The following CCDC102A variants were observed in gnomAD, a reference collection of about 807,000 sequenced individuals.
The protein encoded by CCDC102A is coiled-coil domain-containing protein 102A.
A neutral mutation model predicts 55.5 loss-of-function variants in CCDC102A; 40 were observed. The observed-to-expected ratio is 0.72, with a 90% CI of 0.56 to 0.94. CCDC102A has a LOEUF of 0.94. Ranked by LOEUF, CCDC102A falls within the 40% of genes least tolerant of loss-of-function variation. CCDC102A has a pLI of 0.00. For synonymous variants in CCDC102A, 323 were observed against 339.0 expected, an observed-to-expected ratio of 0.95 and a Z score of 0.52; for missense variants, 779 against 768.6, an observed-to-expected ratio of 1.01 and a Z score of -0.16.
At position 57,514,423 on chromosome 16, in the gene CCDC102A, C is replaced by T. The variant is rs190560961; in HGVS notation, c.1523+918G>A. ...GCTTTGTTGCCCAGGGGGTCTCAAACTCCTGGTCTCAAGCAATCCTCTTGC... is the reference window on the plus strand; with the variant it reads ...GCTTTGTTGCCCAGGGGGTCTCAAATTCCTGGTCTCAAGCAATCCTCTTGC... On this transcript the variant is annotated intron_variant, in intron 8 of 8. Transcript: ENST00000258214. Among the ~76,000 whole-genome samples the T allele has an allele frequency of 2.2e-3, 339 of 152,258 alleles. 1 individual carries two copies. The highest frequency in any genetic ancestry group is 7.9e-3 in the African/African-American group (330 of 41,532).
chr16:57,518,149 C>G lies in CCDC102A; in HGVS notation c.1167G>C (p.Leu389=). 6.2e-7 allele frequency: 1 copy of G among 1,611,500 alleles called. No homozygotes were observed. Among genetic ancestry groups the G allele is most frequent in the Non-Finnish European group, 8.5e-7 (1 of 1,179,808 alleles). The change falls in exon 6 of 9, where the codon CTG becomes CTC. Residue 389 remains leucine, a synonymous_variant. Coordinates refer to ENST00000258214, the MANE Select transcript of CCDC102A (RefSeq NM_033212.4). The part of the protein sequence containing the change: ...RAQVGDLEEA[L]ARRRRQTASA... ...TGGCTGTTTGCCGCCGCCGCCGGGC[C>G]AGCGCCTCCTCCAGGTCTCCGACCT...
In CCDC102A at chr16:57,520,607, T is replaced by TAAATA. The variant is rs71152274; in HGVS notation, c.921+456_921+460dup. ...ATAACATAACATAAATAAAATAAAA[T>TAAATA]AAATAAAATAAAATAAAATAAATAA... On this transcript the variant is annotated intron_variant, in intron 4 of 8. Coordinates refer to ENST00000258214, the MANE Select transcript of CCDC102A (RefSeq NM_033212.4). Among the ~76,000 whole-genome samples, 26 of 111,878 alleles carry TAAATA rather than the reference T, an allele frequency of 2.3e-4. 1 individual carries two copies. The highest frequency in any genetic ancestry group is 8.3e-5 in the Admixed American group (1 of 11,982). The allele number at this position is 111,878 out of a possible 152,430, so 73.4% of individuals were successfully genotyped here. A position where few individuals can be genotyped will look rare whatever the true frequency, so the allele number is the denominator to read the frequency against.
intron 1 of CCDC102A, among the ~76,000 whole-genome samples, chr16:57,535,002 C>T (rs1309136699): frequency 2.0e-5 from 3 of 152,220 alleles, no homozygotes; most frequent in African/African-American, 7.2e-5. Flanking sequence ...AGCCCAGTGC[C>T]CCAACCCCTT....
At chr16:57,522,535 T>C (rs771422547) in intron 3 of CCDC102A, among the ~76,000 whole-genome samples, 4 of 152,202 alleles carry the variant, frequency 2.6e-5, no homozygotes, top group Non-Finnish European at 4.4e-5. Flanking sequence ...ATTATAGGCA[T>C]GAGCCACGGT....
chr16:57,535,263 G>A (rs2032349224), intron 1 of CCDC102A, among the ~76,000 whole-genome samples: 1 of 152,222 alleles, frequency 6.6e-6, no homozygotes, highest in South Asian at 2.1e-4. Context: ...GAAAGGAAGG[G>A]ATGGCGGCTA....
At chr16:57,532,572 C>T (rs891663410) in intron 1 of CCDC102A, among the ~76,000 whole-genome samples, 3 of 152,128 alleles carry the variant, frequency 2.0e-5, no homozygotes, top group Admixed American at 6.5e-5. Context: ...AGGCACACAA[C>T]GACACGGGTG....
Position 57,512,671 on chromosome 16 carries a change from T to C in CCDC102A, c.*70A>G. On this transcript the variant is annotated 3_prime_UTR_variant, in exon 9 of 9. Coordinates refer to ENST00000258214, the MANE Select transcript of CCDC102A (RefSeq NM_033212.4). The stretch of plus-strand genomic sequence containing the variant: ...AGAGTGAGCCTAGGCACTGCATCAG[T>C]TTGAGTGGCTGGTTAGCCTGGACCC... 1 of 1,548,208 alleles carries C rather than the reference T, an allele frequency of 6.5e-7. No homozygotes were observed. The highest frequency in any genetic ancestry group is 8.7e-7 in the Non-Finnish European group (1 of 1,146,744).
Position 57,528,609 on chromosome 16 carries a change from C to T in CCDC102A, c.569G>A (p.Arg190Lys), listed in dbSNP as rs766158159. ...REPVRDVGSE[R>K]PPGSQELELV... ...GCCGCGCACCTGGCTGCCTGGCGGC[C>T]TCTCGGACCCGACGTCACGCACTGG... The change falls in exon 2 of 9, where the codon AGG (arginine) becomes AAG (lysine). Residue 190 changes from arginine to lysine, a missense_variant. Arg to Lys is a conservative substitution (Grantham distance 26, BLOSUM62 2). Coordinates refer to ENST00000258214, the MANE Select transcript of CCDC102A (RefSeq NM_033212.4). 7.9e-7 allele frequency: 1 copy of T among 1,272,072 alleles called. No homozygotes were observed. Among genetic ancestry groups the T allele is most frequent in the South Asian group, 1.9e-5 (1 of 52,498 alleles). 78.8% of individuals were successfully genotyped at this position (1,272,072 alleles called of 1,614,324 possible). A position where few individuals can be genotyped will look rare whatever the true frequency, so the allele number is the denominator to read the frequency against.
rs1215276755 is a variant in CCDC102A at position 57,518,803 on chromosome 16, C to G, written c.922-62G>C. 6 of 1,328,094 alleles carry G rather than the reference C, an allele frequency of 4.5e-6. No individual in the cohort carries two copies. The South Asian group carries it at 6.3e-5, about 14-fold the overall frequency. 82.3% of individuals were successfully genotyped at this position (1,328,094 alleles called of 1,614,324 possible). A position where few individuals can be genotyped will look rare whatever the true frequency, so the allele number is the denominator to read the frequency against. On this transcript the variant is annotated intron_variant, in intron 4 of 8. Transcript: ENST00000258214. The stretch of plus-strand genomic sequence containing the variant: ...CCAGGATATAGCCTGGAACCACCTC[C>G]GGGGGTGGGCGCCAGTGCAGGAGTG...
intron 6 of CCDC102A, 67 bp downstream of exon 6, chr16:57,518,001 G>A: frequency 6.7e-6 from 10 of 1,487,936 alleles, no homozygotes; most frequent in Non-Finnish European, 9.0e-6. Flanking sequence ...ACATAGTAGG[G>A]AAGCTGCGCT....
At chr16:57,526,162 C>T (rs765154921) in intron 2 of CCDC102A, 35 bp from the exon 3 acceptor site, 19 of 1,464,114 alleles carry the variant, frequency 1.3e-5, no homozygotes, top group Non-Finnish European at 1.6e-5. Context: ...GACCAGTGGC[C>T]GCCAAGCCAG....
intron 5 of CCDC102A, 109 bp downstream of exon 5, chr16:57,518,516 C>T (rs1279199827): frequency 2.3e-5 from 22 of 956,220 alleles, no homozygotes; most frequent in Admixed American, 2.1e-4. Flanking sequence ...TGGCTGGCCC[C>T]GCTCAGAGCA....
rs568956464 is a variant in CCDC102A at position 57,518,052 on chromosome 16, C to T, written c.1248+16G>A. ...GGTGGCAGCCCCAGCACTGGCCACT[C>T]CACTCCTTGCCCCACCTTGTTCTTC... On this transcript the variant is annotated intron_variant, in intron 6 of 8. Transcript: ENST00000258214. 1.9e-6 allele frequency: 3 copies of T among 1,583,874 alleles called. No individual in the cohort carries two copies. In the African/African-American group the frequency reaches 4.0e-5, roughly 21 times the overall value.
At chr16:57,528,208 C>T (rs1312319953) in intron 2 of CCDC102A, among the ~76,000 whole-genome samples, 3 of 152,218 alleles carry the variant, frequency 2.0e-5, no homozygotes, top group African/African-American at 7.2e-5. Flanking sequence ...GTGAAGCCTG[C>T]GTCAGGGACC....
rs748878514 is a variant in CCDC102A at position 57,525,885 on chromosome 16, G to A, written c.812+16C>T. The A allele has an allele frequency of 2.2e-5, 36 of 1,609,352 alleles. No individual in the cohort carries two copies. The highest frequency in any genetic ancestry group is 5.1e-5 in the Admixed American group (3 of 59,140). On this transcript the variant is annotated intron_variant, in intron 3 of 8. Coordinates refer to ENST00000258214, the MANE Select transcript of CCDC102A (RefSeq NM_033212.4). ...CCTGGCCCTGGCCCTGCCCCCTCCC[G>A]CCTCCCACGACTCACTCTCGCTCCT...
intron 8 of CCDC102A, 49 bp downstream of exon 8, chr16:57,515,291 TC>T: frequency 8.4e-7 from 1 of 1,191,492 alleles, no homozygotes; most frequent in South Asian, 1.3e-5. Context: ...ACCGGAGGGT[TC>T]CCTGGCTGGA....
rs780668541 is a variant in CCDC102A, at chr16:57,529,319, TC to T, written c.-143del. ...GGGCCACCGGGCGGAGGACGCCTCC[TC>T]GGACCTACGGGAGAACACAACCGTT... On this transcript the variant is annotated 5_prime_UTR_variant, in exon 2 of 9. Transcript: ENST00000258214. The surrounding 1 kb of genome is among the most constrained non-coding windows in gnomAD (Gnocchi z 4.1). 411 of 1,098,170 alleles carry T rather than the reference TC, an allele frequency of 3.7e-4. No homozygotes were observed. Among genetic ancestry groups the T allele is most frequent in the Non-Finnish European group, 4.3e-4 (384 of 896,462 alleles). The allele number at this position is 1,098,170 out of a possible 1,614,324, so 68.0% of individuals were successfully genotyped here.
At position 57,525,967 on chromosome 16, in the gene CCDC102A, GCCT is replaced by G; in HGVS notation, c.743_745del (p.Glu248del). The G allele has an allele frequency of 6.2e-7, 1 of 1,612,372 alleles. No homozygotes were observed. Among genetic ancestry groups the G allele is most frequent in the Non-Finnish European group, 8.5e-7 (1 of 1,179,288 alleles). ...TAGCCGCAGGGCGGTCAACTTGGAG[GCCT>G]CCTCCTCCGTGGCAGCTGTGTCCTC... On this transcript the variant is annotated inframe_deletion, in exon 3 of 9. Transcript: ENST00000258214.
chr16:57,519,395 G>A (rs886501536), intron 4 of CCDC102A, among the ~76,000 whole-genome samples: 2 of 152,246 alleles, frequency 1.3e-5, no homozygotes, highest in Admixed American at 6.5e-5. Flanking sequence ...TGGGAGGACG[G>A]GGAGCTTGTG....
Sources: gnomAD v4.1 joint callset for allele counts (sites outside exome capture counted in the v4.1 genomes callset) on GRCh38, gnomAD v4.1.1 for gene constraint, Gnocchi (gnomAD v3.1) non-coding constraint, MANE v1.5 for transcripts, NCBI Gene and HGNC (gene_info 2026-07-23, HGNC 2026-07-21) for gene names.